SLC36A1: variants seen among roughly 807,000 people sequenced by gnomAD.
SLC36A1 encodes proton-coupled amino acid transporter 1.
SLC36A1 carries 30 observed loss-of-function variants against 47.5 expected under a neutral mutation model. That is an observed-to-expected ratio of 0.63 (90% CI 0.47 to 0.86). SLC36A1 has a LOEUF of 0.86. SLC36A1 is among the 40% of genes least tolerant of loss of function. The probability of loss-of-function intolerance (pLI) is 0.00; values close to 1 mark genes in which losing one functional copy is unlikely to be tolerated. For synonymous variants in SLC36A1, 255 were observed against 249.7 expected (o/e 1.02, Z -0.20); for missense variants, 517 against 606.0 (o/e 0.85, Z 1.54).
At chr5:151,413,893 G>A in the SLC36A1 span, among the ~76,000 whole-genome samples, 1 of 151,840 alleles carries the variant, frequency 6.6e-6, no homozygotes, top group South Asian at 2.1e-4. Context: ...ATATACATAT[G>A]CCAACATAAT....
At chr5:151,470,399 G>A (rs1226745857) in intron 7 of SLC36A1, among the ~76,000 whole-genome samples, 1 of 152,222 alleles carries the variant, frequency 6.6e-6, no homozygotes, top group Admixed American at 6.5e-5. Context: ...CCAACTGGTA[G>A]TATCCATCCA....
the SLC36A1 span, among the ~76,000 whole-genome samples, chr5:151,431,590 G>C: frequency 6.6e-6 from 1 of 152,270 alleles, no homozygotes; most frequent in South Asian, 2.1e-4. Context: ...GAATCATGGG[G>C]GTGGGTCTTT....
At position 151,490,119 on chromosome 5, in the gene SLC36A1, A is replaced by C. The variant is rs1759988129; in HGVS notation, c.*1865A>C. 6.6e-6 allele frequency: 1 copy of C among 152,214 alleles called. No homozygotes were observed. The highest frequency in any genetic ancestry group is 6.5e-5 in the Admixed American group (1 of 15,276). The allele number at this position is 152,214 out of a possible 1,614,324, so 9.4% of individuals were successfully genotyped here. ...CTACCTAATAATTTGTTAACTTAGG[A>C]ATATGCTATCATTGTTGACTTGTTC... On this transcript the variant is annotated 3_prime_UTR_variant, in exon 11 of 11. Transcript: ENST00000243389.
the SLC36A1 span, among the ~76,000 whole-genome samples, chr5:151,424,749 AC>A: frequency 6.6e-6 from 1 of 152,158 alleles, no homozygotes; most frequent in East Asian, 2.0e-4. Flanking sequence ...AAATAATCTT[AC>A]AAAATTGTTT....
At chr5:151,364,967 G>C in the SLC36A1 span, among the ~76,000 whole-genome samples, 1 of 152,088 alleles carries the variant, frequency 6.6e-6, no homozygotes, top group African/African-American at 2.4e-5. Context: ...AAGTCCAAGG[G>C]CTCATGAACC....
At chr5:151,473,383 G>A (rs1757595888) in intron 7 of SLC36A1, among the ~76,000 whole-genome samples, 1 of 152,074 alleles carries the variant, frequency 6.6e-6, no homozygotes, top group South Asian at 2.1e-4. Context: ...TTCTGGGGAT[G>A]GGATTACCTA....
At position 151,487,967 on chromosome 5, in the gene SLC36A1, T is replaced by C. The variant is rs1213300266; in HGVS notation, c.1160-16T>C. 1.2e-6 allele frequency: 2 copies of C among 1,613,366 alleles called. No individual in the cohort carries two copies. Among genetic ancestry groups the C allele is most frequent in the Admixed American group, 1.7e-5 (1 of 59,982 alleles). ...GCTCTGGGCATCTTAAACAGGCATG[T>C]CCTCTCTCCCTGCAGGCATCTTGGC... On this transcript the variant is annotated splice_polypyrimidine_tract_variant and intron_variant, in intron 10 of 10. Transcript: ENST00000243389.
At chr5:151,531,319 G>A in the SLC36A1 span, among the ~76,000 whole-genome samples, 1 of 152,206 alleles carries the variant, frequency 6.6e-6, no homozygotes, top group African/African-American at 2.4e-5. The surrounding 1 kb of genome is among the most constrained non-coding windows in gnomAD (Gnocchi z 5.7). Flanking sequence ...CTGTGTGGGA[G>A]GAGAGTGGAT....
At chr5:151,543,294 A>G in the SLC36A1 span, 2 of 1,614,082 alleles carry the variant, frequency 1.2e-6, no homozygotes, top group African/African-American at 2.7e-5. Flanking sequence ...CTTCATCTGC[A>G]TCATAGGCCA....
chr5:151,463,979 AT>A (rs1755967615), intron 3 of SLC36A1, among the ~76,000 whole-genome samples: 1 of 152,184 alleles, frequency 6.6e-6, no homozygotes, highest in South Asian at 2.1e-4. Flanking sequence ...ATGTCTGCCC[AT>A]TTTCTACAGT....
At chr5:151,399,403 C>T in the SLC36A1 span, among the ~76,000 whole-genome samples, 1 of 151,962 alleles carries the variant, frequency 6.6e-6, no homozygotes, top group South Asian at 2.1e-4. Context: ...TTTATATCCC[C>T]ATACATATAT....
At chr5:151,362,392 T>C in the SLC36A1 span, among the ~76,000 whole-genome samples, 8 of 140,578 alleles carry the variant, frequency 5.7e-5, no homozygotes, top group East Asian at 7.9e-4. Flanking sequence ...GATTCTTCTT[T>C]TTTTTTTTTT....
upstream of SLC36A1, among the ~76,000 whole-genome samples, chr5:151,444,791 G>A (rs1054904099): frequency 6.6e-6 from 1 of 152,178 alleles, no homozygotes; most frequent in African/African-American, 2.4e-5. Flanking sequence ...AGTCATGTAT[G>A]TTGATTTTTA....
chr5:151,468,299 T>A (rs1203162685), intron 7 of SLC36A1, among the ~76,000 whole-genome samples: 2,698 of 72,164 alleles, frequency 0.037, 212 homozygotes, highest in African/African-American at 0.12. Context: ...ATATATTTTA[T>A]ATATATATAT....
At chr5:151,521,974 A>C in the SLC36A1 span, 1 of 1,614,138 alleles carries the variant, frequency 6.2e-7, no homozygotes, top group Non-Finnish European at 8.5e-7. Context: ...ATCCTCTCCA[A>C]CAGTGATGAA....
chr5:151,360,094 A>G, the SLC36A1 span, among the ~76,000 whole-genome samples: 4 of 152,152 alleles, frequency 2.6e-5, no homozygotes, highest in African/African-American at 9.7e-5. Context: ...ATTCTTTTTA[A>G]AATTTTATTT....
the SLC36A1 span, among the ~76,000 whole-genome samples, chr5:151,351,554 A>G: frequency 5.3e-5 from 8 of 152,174 alleles, no homozygotes; most frequent in African/African-American, 1.9e-4. Flanking sequence ...GTGAACGGGA[A>G]TGGGGTCTCT....
chr5:151,350,671 A>G, the SLC36A1 span, among the ~76,000 whole-genome samples: 2 of 152,180 alleles, frequency 1.3e-5, no homozygotes, highest in African/African-American at 4.8e-5. Flanking sequence ...TAAAGCTGGA[A>G]GAACATAATA....
the SLC36A1 span, among the ~76,000 whole-genome samples, chr5:151,520,947 T>G: frequency 6.6e-6 from 1 of 152,234 alleles, no homozygotes; most frequent in Non-Finnish European, 1.5e-5. Context: ...AGGTTAATTT[T>G]CCTAAAGTCG....
Sources: gnomAD v4.1 joint callset for allele counts (sites outside exome capture counted in the v4.1 genomes callset) on GRCh38, gnomAD v4.1.1 for gene constraint, Gnocchi (gnomAD v3.1) non-coding constraint, MANE v1.5 for transcripts, NCBI Gene and HGNC (gene_info 2026-07-23, HGNC 2026-07-21) for gene names.